Variants in CIT observed in about 807,000 individuals in gnomAD.
The protein encoded by CIT is citron rho-interacting serine/threonine kinase, also known as citron Rho-interacting kinase.
A neutral mutation model predicts 272.7 loss-of-function variants in CIT; 79 were observed. The observed-to-expected ratio is 0.29, with a 90% CI of 0.24 to 0.35. The LOEUF (loss-of-function observed/expected upper bound fraction) is 0.35. Ranked by LOEUF, CIT falls within the 10% of genes least tolerant of loss-of-function variation. The pLI, the probability that CIT is intolerant of heterozygous loss-of-function variation, is 1.00. For missense variants in CIT, 1,909 were observed against 2,618.3 expected, an observed-to-expected ratio of 0.73 and a Z score of 5.91; for synonymous variants, 948 against 995.6, an observed-to-expected ratio of 0.95 and a Z score of 0.90.
chr12:119,695,787 A>C (rs528087856), intron 46 of CIT, among the ~76,000 whole-genome samples: 2 of 151,630 alleles, frequency 1.3e-5, no homozygotes, highest in Non-Finnish European at 2.9e-5. Context: ...CCCTGTCCCA[A>C]AAAAAAAGTA....
intron 10 of CIT, 64 bp from the exon 11 acceptor site, chr12:119,785,129 G>A: frequency 3.9e-6 from 6 of 1,527,766 alleles, no homozygotes; most frequent in Non-Finnish European, 5.3e-6. Context: ...GCATTAGGAA[G>A]CTGCAACATT....
At chr12:119,874,270 C>T (rs1350343886) in intron 2 of CIT, among the ~76,000 whole-genome samples, 1 of 152,112 alleles carries the variant, frequency 6.6e-6, no homozygotes, top group Non-Finnish European at 1.5e-5. Context: ...CAGGGTTTCA[C>T]CACGTTGTCC....
Position 119,758,615 on chromosome 12 carries a change from C to T in CIT, c.2507G>A (p.Ser836Asn). The T allele has an allele frequency of 6.2e-7, 1 of 1,612,304 alleles. No homozygotes were observed. The highest frequency in any genetic ancestry group is 8.5e-7 in the Non-Finnish European group (1 of 1,178,340). ...CATGTTCCTTTGGGTAAAAAGACTGCTATTTGCTGCAAGTTTATTGGCTTC... is the reference window on the plus strand; with the variant it reads ...CATGTTCCTTTGGGTAAAAAGACTGTTATTTGCTGCAAGTTTATTGGCTTC... ...LSEANKLAAN[S>N]SLFTQRNMKA... Residue 836 changes from serine (S) to asparagine (N), a missense_variant, in exon 21 of 48, where the codon AGC becomes AAC. Around this residue, in one of 8 missense-constraint regions of CIT, gnomAD observed 530 missense variants for 822.4 expected, o/e 0.64. Coordinates refer to ENST00000392521, the MANE Select transcript of CIT (RefSeq NM_001206999.2).
At chr12:119,717,834 C>CTTTTTTT (rs546520444) in intron 32 of CIT, among the ~76,000 whole-genome samples, 15 of 70,236 alleles carry the variant, frequency 2.1e-4, no homozygotes, top group African/African-American at 7.5e-4. Flanking sequence ...AGACTGACTT[C>CTTTTTTT]TTTCTTTTTT....
At chr12:119,723,990 C>T (rs1957952679) in intron 28 of CIT, among the ~76,000 whole-genome samples, 1 of 152,098 alleles carries the variant, frequency 6.6e-6, no homozygotes, top group Admixed American at 6.5e-5. Context: ...TAAAATGTTT[C>T]ACTTAAAAAA....
rs1956577451 is a variant in CIT at position 119,701,533 on chromosome 12, C to A, written c.5542+91G>T. On this transcript the variant is annotated intron_variant, in intron 43 of 47. Transcript: ENST00000392521. ...TGTACCCCTAGTCAAACCTATCCTG[C>A]CCCAGAGCTCCATGTACCCTCCTCC... 2.7e-6 allele frequency: 4 copies of A among 1,456,858 alleles called. No homozygotes were observed. The South Asian group carries it at 3.8e-5, about 14-fold the overall frequency. The allele number at this position is 1,456,858 out of a possible 1,614,324, so 90.2% of individuals were successfully genotyped here. A position where few individuals can be genotyped will look rare whatever the true frequency, so the allele number is the denominator to read the frequency against.
intron 46 of CIT, among the ~76,000 whole-genome samples, chr12:119,692,069 CT>C (rs2136922601): frequency 6.6e-6 from 1 of 152,296 alleles, no homozygotes; most frequent in African/African-American, 2.4e-5. Context: ...TGCTAATTGT[CT>C]CAACAAAATT....
intron 5 of CIT, among the ~76,000 whole-genome samples, chr12:119,843,840 G>C (rs1443994434): frequency 6.6e-6 from 1 of 151,994 alleles, no homozygotes; most frequent in Non-Finnish European, 1.5e-5. Flanking sequence ...TGCCAAGGGA[G>C]CGTGATATGT....
At chr12:119,771,860 C>T (rs1963190701) in intron 17 of CIT, among the ~76,000 whole-genome samples, 1 of 152,014 alleles carries the variant, frequency 6.6e-6, no homozygotes, top group Admixed American at 6.6e-5. Flanking sequence ...CCAGAGAAAA[C>T]GAAATGACAC....
At chr12:119,759,283 C>A (rs2137482073) in intron 20 of CIT, among the ~76,000 whole-genome samples, 2 of 152,370 alleles carry the variant, frequency 1.3e-5, no homozygotes, top group African/African-American at 4.8e-5. Context: ...GCATTAGATT[C>A]TCCTCAGAGT....
chr12:119,729,994 A>T (rs1406491469), intron 27 of CIT, among the ~76,000 whole-genome samples: 1 of 152,240 alleles, frequency 6.6e-6, no homozygotes, highest in East Asian at 1.9e-4. Flanking sequence ...ATGGAGAGGC[A>T]CATGGATGGA....
chr12:119,776,665 T>A lies in CIT; in HGVS notation c.1836+7A>T, dbSNP rs1468576745. On this transcript the variant is annotated splice_region_variant and intron_variant, in intron 14 of 47. Coordinates refer to ENST00000392521, the MANE Select transcript of CIT (RefSeq NM_001206999.2). ...AAAAAGCACCCTCCTGGAGGGTGGC[T>A]GACTACCTTCAACAGTTTATGCTGA... 6.2e-7 allele frequency: 1 copy of A among 1,612,458 alleles called. No homozygotes were observed. Among genetic ancestry groups the A allele is most frequent in the Non-Finnish European group, 8.5e-7 (1 of 1,179,182 alleles).
chr12:119,737,154 A>G (rs1320838298), intron 24 of CIT, among the ~76,000 whole-genome samples: 1 of 152,040 alleles, frequency 6.6e-6, no homozygotes, highest in Non-Finnish European at 1.5e-5. Context: ...AAAAATACAA[A>G]AAATTAACCA....
At chr12:119,786,651 C>T (rs1487523261) in intron 10 of CIT, among the ~76,000 whole-genome samples, 2 of 152,210 alleles carry the variant, frequency 1.3e-5, no homozygotes, top group Non-Finnish European at 2.9e-5. Context: ...TTTCTACTGC[C>T]CAAACTACTT....
intron 19 of CIT, among the ~76,000 whole-genome samples, chr12:119,765,220 G>A (rs1327026079): frequency 1.3e-5 from 2 of 151,574 alleles, no homozygotes; most frequent in South Asian, 2.1e-4. Context: ...TCAAAAGCCC[G>A]GGAGACCCCA....
chr12:119,857,587 TTC>T lies in CIT; in HGVS notation c.348_349del (p.Lys117SerfsTer26). On this transcript the variant is annotated frameshift_variant, in exon 4 of 48. Transcript: ENST00000392521. LOFTEE classifies it high-confidence loss of function. ...CATAGCATAGATGTCCCCGGTTGCTTTCTCTCTTACCACCTGCACTTCAGCAA... is the reference window on the plus strand; with the variant it reads ...CATAGCATAGATGTCCCCGGTTGCTTTCTCTTACCACCTGCACTTCAGCAA... 1 of 1,614,182 alleles carries T rather than the reference TTC, an allele frequency of 6.2e-7. No homozygotes were observed. The highest frequency in any genetic ancestry group is 8.5e-7 in the Non-Finnish European group (1 of 1,180,038).
At chr12:119,838,959 C>T (rs550389189) in intron 5 of CIT, among the ~76,000 whole-genome samples, 2 of 152,178 alleles carry the variant, frequency 1.3e-5, no homozygotes, top group African/African-American at 2.4e-5. Context: ...GTGGCAACCC[C>T]GCTGATGGCA....
intron 9 of CIT, among the ~76,000 whole-genome samples, chr12:119,808,431 C>T (rs547418349): frequency 3.9e-5 from 6 of 152,056 alleles, no homozygotes; most frequent in Non-Finnish European, 7.4e-5. Flanking sequence ...ATTATTTAGA[C>T]CTAATGTGCC....
At chr12:119,749,867 T>A (rs1234563022) in intron 23 of CIT, among the ~76,000 whole-genome samples, 1 of 152,120 alleles carries the variant, frequency 6.6e-6, no homozygotes, top group African/African-American at 2.4e-5. Flanking sequence ...AAGGACTAAT[T>A]TCCCCATAGA....
Sources: gnomAD v4.1 joint callset for allele counts (sites outside exome capture counted in the v4.1 genomes callset) on GRCh38, gnomAD v4.1.1 for gene constraint, gnomAD v4.1.1 regional missense constraint, MANE v1.5 for transcripts, NCBI Gene and HGNC (gene_info 2026-07-23, HGNC 2026-07-21) for gene names.